RARB: variants seen among roughly 807,000 people sequenced by gnomAD.
RARB encodes HBV-activated protein.
A neutral mutation model predicts 51.9 loss-of-function variants in RARB; 17 were observed. That is an observed-to-expected ratio of 0.33 (90% CI 0.22 to 0.49). The LOEUF (loss-of-function observed/expected upper bound fraction) is 0.49, where lower values mean the gene tolerates loss of function less well. Among genes scored for constraint, RARB ranks in the 20% least tolerant of loss-of-function variants. The pLI is 0.99. For synonymous variants in RARB, 215 were observed against 195.4 expected (o/e 1.10, Z -0.84); for missense variants, 369 against 550.8 (o/e 0.67, Z 3.30).
chr3:25,101,273 AACTT>A (rs1308035250), intron 3 of RARB, among the ~76,000 whole-genome samples: 1 of 152,142 alleles, frequency 6.6e-6, no homozygotes, highest in East Asian at 1.9e-4. Flanking sequence ...GAATTCCACA[AACTT>A]ACTGGAAACC....
intron 5 of RARB, among the ~76,000 whole-genome samples, chr3:25,367,487 T>C (rs921002924): frequency 3.9e-5 from 6 of 152,072 alleles, no homozygotes; most frequent in African/African-American, 1.4e-4. Context: ...CAATAAATGC[T>C]GGTGGGATTG....
At chr3:25,091,135 A>G (rs1699191267) in intron 3 of RARB, among the ~76,000 whole-genome samples, 2 of 152,190 alleles carry the variant, frequency 1.3e-5, no homozygotes, top group African/African-American at 4.8e-5. Flanking sequence ...AAGGATCTTT[A>G]TAGAACAACA....
At chr3:25,519,464 G>C (rs1314632550) in intron 3 of RARB, among the ~76,000 whole-genome samples, 1 of 152,074 alleles carries the variant, frequency 6.6e-6, no homozygotes. Flanking sequence ...AGATCCTCCT[G>C]GGTCTGAAGT....
intron 2 of RARB, among the ~76,000 whole-genome samples, chr3:24,880,827 AAATGTTGT>A (rs1373968841): frequency 6.6e-6 from 1 of 152,202 alleles, no homozygotes; most frequent in Non-Finnish European, 1.5e-5. Context: ...CTTTCTATAA[AAATGTTGT>A]GTTACTGTGA....
chr3:24,937,828 TA>T (rs1216457801), intron 2 of RARB, among the ~76,000 whole-genome samples: 1 of 152,034 alleles, frequency 6.6e-6, no homozygotes, highest in Non-Finnish European at 1.5e-5. Flanking sequence ...ACTTTAAAAA[TA>T]AAGAGATTTT....
At chr3:25,547,304 G>A (rs1202587686) in intron 3 of RARB, among the ~76,000 whole-genome samples, 1 of 152,124 alleles carries the variant, frequency 6.6e-6, no homozygotes. Flanking sequence ...TGTCACCCTG[G>A]TGAAAGGCCT....
At chr3:25,511,916 C>CG (rs1286636169) in intron 3 of RARB, among the ~76,000 whole-genome samples, 1 of 152,004 alleles carries the variant, frequency 6.6e-6, no homozygotes, top group African/African-American at 2.4e-5. Flanking sequence ...TTTAAGCATC[C>CG]GGGGGAACTG....
chr3:25,070,698 C>A (rs973894165), intron 3 of RARB, among the ~76,000 whole-genome samples: 5 of 152,196 alleles, frequency 3.3e-5, no homozygotes, highest in African/African-American at 9.6e-5. Context: ...ACCATCATGA[C>A]AACCCTATGT....
chr3:25,059,387 A>C (rs922233757), intron 2 of RARB, among the ~76,000 whole-genome samples: 2 of 151,712 alleles, frequency 1.3e-5, no homozygotes, highest in Non-Finnish European at 3.0e-5. Context: ...CCCCAGAAAA[A>C]AACCATACCG....
intron 5 of RARB, chr3:25,352,522 G>A (rs1024058923): frequency 1.3e-5 from 2 of 152,132 alleles, no homozygotes; most frequent in Non-Finnish European, 1.5e-5. Flanking sequence ...TCTGTTTTTA[G>A]CATTACTCCT....
intron 5 of RARB, among the ~76,000 whole-genome samples, chr3:25,413,647 CTTGTTTT>C (rs373691891): frequency 6.9e-4 from 104 of 151,500 alleles, no homozygotes; most frequent in East Asian, 1.5e-3. Context: ...CCCTTGGTAT[CTTGTTTT>C]TTGTTTTTTG....
chr3:25,349,508 A>G (rs1705495011), intron 5 of RARB, among the ~76,000 whole-genome samples: 1 of 152,186 alleles, frequency 6.6e-6, no homozygotes, highest in South Asian at 2.1e-4. Context: ...TGAATAGGTC[A>G]GCAGAAACAT....
intron 5 of RARB, among the ~76,000 whole-genome samples, chr3:25,196,984 T>C (rs1166889676): frequency 6.6e-6 from 1 of 152,138 alleles, no homozygotes; most frequent in African/African-American, 2.4e-5. Context: ...GTCAGATGGA[T>C]AGATTGCAAA....
chr3:24,910,423 A>G (rs1694968161), intron 2 of RARB, among the ~76,000 whole-genome samples: 1 of 152,200 alleles, frequency 6.6e-6, no homozygotes, highest in Non-Finnish European at 1.5e-5. Context: ...ACACAAAATA[A>G]TTGGATGACA....
At chr3:25,318,315 G>T (rs1265239500) in intron 5 of RARB, among the ~76,000 whole-genome samples, 1 of 152,086 alleles carries the variant, frequency 6.6e-6, no homozygotes, top group Non-Finnish European at 1.5e-5. Flanking sequence ...TATTATTGCA[G>T]TTCCTTGGGG....
intron 3 of RARB, among the ~76,000 whole-genome samples, chr3:25,566,313 G>T (rs1229289365): frequency 1.3e-5 from 2 of 152,160 alleles, no homozygotes; most frequent in African/African-American, 2.4e-5. Context: ...GCATTTTGTG[G>T]GTGTGGAAGA....
intron 2 of RARB, among the ~76,000 whole-genome samples, chr3:24,936,753 T>G (rs1401059048): frequency 1.3e-5 from 2 of 152,212 alleles, no homozygotes; most frequent in African/African-American, 4.8e-5. Context: ...ACCATTCTTC[T>G]TTGTGTTAGT....
chr3:24,874,161 C>T (rs1375108633), intron 2 of RARB, among the ~76,000 whole-genome samples: 1 of 151,758 alleles, frequency 6.6e-6, no homozygotes, highest in Non-Finnish European at 1.5e-5. Context: ...GAACCAATAC[C>T]CCTTGGATAT....
chr3:25,482,866 C>T (rs1048476531), intron 2 of RARB, among the ~76,000 whole-genome samples: 2 of 152,054 alleles, frequency 1.3e-5, no homozygotes, highest in African/African-American at 4.8e-5. Flanking sequence ...TAAAAAGAAA[C>T]AAATGAAGTT....
Sources: gnomAD v4.1 joint callset for allele counts (sites outside exome capture counted in the v4.1 genomes callset) on GRCh38, gnomAD v4.1.1 for gene constraint, MANE v1.5 for transcripts, NCBI Gene and HGNC (gene_info 2026-07-23, HGNC 2026-07-21) for gene names.